The following CLMN variants were observed in gnomAD, a reference collection of about 807,000 sequenced individuals.
CLMN encodes calmin (calponin-like, transmembrane).
In CLMN, 57 loss-of-function variants were observed where a neutral mutation model predicts 92.7. The ratio of observed to expected loss-of-function variants is 0.61; its 90% CI spans 0.50 to 0.77. The LOEUF (loss-of-function observed/expected upper bound fraction) is 0.77, where lower values mean the gene tolerates loss of function less well. CLMN is among the 30% of genes least tolerant of loss of function. The pLI is 0.00. For synonymous variants in CLMN, 466 were observed against 470.6 expected, an observed-to-expected ratio of 0.99 and a Z score of 0.13; for missense variants, 1,158 against 1,237.5, an observed-to-expected ratio of 0.94 and a Z score of 0.96.
chr14:95,260,037 T>C (rs1251648981), intron 1 of CLMN, among the ~76,000 whole-genome samples: 1 of 152,200 alleles, frequency 6.6e-6, no homozygotes, highest in East Asian at 1.9e-4. Context: ...CTCCCTGCTA[T>C]TGCAGCACCC....
chr14:95,271,577 G>C (rs572820966), intron 1 of CLMN, among the ~76,000 whole-genome samples: 8 of 152,300 alleles, frequency 5.3e-5, no homozygotes, highest in African/African-American at 1.7e-4. Context: ...TCTACCAACT[G>C]GCAGCAGGTT....
chr14:95,207,241 C>A (rs1897071132), intron 8 of CLMN, among the ~76,000 whole-genome samples: 1 of 152,090 alleles, frequency 6.6e-6, no homozygotes, highest in Admixed American at 6.6e-5. Flanking sequence ...CAGTTAAAAT[C>A]TTCTCTTTTA....
At chr14:95,197,206 G>A in intron 9 of CLMN, among the ~76,000 whole-genome samples, 1 of 151,934 alleles carries the variant, frequency 6.6e-6, no homozygotes, top group Non-Finnish European at 1.5e-5. Flanking sequence ...CCAAGATCAT[G>A]CCACTGCACT....
chr14:95,268,792 CTCTTTT>C lies in CLMN; in HGVS notation c.83-38665_83-38660del, dbSNP rs1255314519. Reference sequence around the variant, plus strand: ...TATACTGGGACCTCTCTCTCTCTCTCTCTTTTTTTTTTTTTTTTTTTTTTTTTTTTA... The same window carrying C: ...TATACTGGGACCTCTCTCTCTCTCTCTTTTTTTTTTTTTTTTTTTTTTTTA... On this transcript the variant is annotated intron_variant, in intron 1 of 12. Coordinates refer to ENST00000298912, the MANE Select transcript of CLMN (RefSeq NM_024734.4). Among the ~76,000 whole-genome samples the C allele has an allele frequency of 9.0e-3, 937 of 103,812 alleles. 10 individuals carry two copies. The highest frequency in any genetic ancestry group is 0.034 in the African/African-American group (888 of 26,142). 68.1% of individuals were successfully genotyped at this position (103,812 alleles called of 152,430 possible). A position where few individuals can be genotyped will look rare whatever the true frequency, so the allele number is the denominator to read the frequency against.
intron 1 of CLMN, among the ~76,000 whole-genome samples, chr14:95,272,314 G>GAAAAAA (rs71307140): frequency 0.023 from 3,429 of 152,196 alleles, 53 homozygotes; most frequent in Middle Eastern, 0.037. Flanking sequence ...TCCAGGAAGA[G>GAAAAAA]GAGGAGGAGG....
chr14:95,215,717 A>G lies in CLMN; in HGVS notation c.341T>C (p.Ile114Thr), dbSNP rs748744133. 5.0e-6 allele frequency: 8 copies of G among 1,614,114 alleles called. No homozygotes were observed. The highest frequency in any genetic ancestry group is 6.8e-6 in the Non-Finnish European group (8 of 1,179,996). The change falls in exon 5 of 13, where the codon ATT becomes ACT. Residue 114 changes from isoleucine (I) to threonine (T), a missense_variant. By Grantham distance (89) the Ile-to-Thr change is moderately conservative (BLOSUM62 -1). Transcript: ENST00000298912. ...GCCATCTGCTATTTCTGCTGCATCA[A>G]TGCTAACCAGTTTTACCTGGAGGGA... ...LEDSNVKLVS[I>T]DAAEIADGNP...
chr14:95,202,903 G>C lies in CLMN; in HGVS notation c.2446C>G (p.Leu816Val). ...TGCTGGTGGTCCTCATGGGGGGCCA[G>C]TGGAGCGGGTTCTGAGGCTGGTGTG... is the stretch of plus-strand genomic sequence containing the variant. ...GTTPASEPAP[L>V]APHEDHQQRE... Residue 816 changes from leucine (L) to valine (V), a missense_variant, in exon 9 of 13, where the codon CTG becomes GTG. Leu to Val is a conservative substitution (Grantham distance 32). Transcript: ENST00000298912. 1 of 1,585,280 alleles carries C rather than the reference G, an allele frequency of 6.3e-7. No homozygotes were observed. Among genetic ancestry groups the C allele is most frequent in the Non-Finnish European group, 8.5e-7 (1 of 1,169,764 alleles).
At chr14:95,212,306 A>G (rs1897221560) in intron 6 of CLMN, among the ~76,000 whole-genome samples, 1 of 152,010 alleles carries the variant, frequency 6.6e-6, no homozygotes, top group South Asian at 2.1e-4. Flanking sequence ...TAAATGATTC[A>G]CCAGGATCTC....
At position 95,294,496 on chromosome 14, in the gene CLMN, C is replaced by A. The variant is rs1172331912; in HGVS notation, c.82+25215G>T. On this transcript the variant is annotated intron_variant, in intron 1 of 12. Coordinates refer to ENST00000298912, the MANE Select transcript of CLMN (RefSeq NM_024734.4). This position sits in a 1 kb window ranked among gnomAD's most constrained non-coding sequence, Gnocchi z 4.2. Reference sequence around the variant, plus strand: ...GAAGGATCCTGTCCAACAGAAAGGCCCTGGAGACAGACCTGCATCCACATT... The same window carrying A: ...GAAGGATCCTGTCCAACAGAAAGGCACTGGAGACAGACCTGCATCCACATT... 1.3e-5 allele frequency among the ~76,000 whole-genome samples: 2 copies of A among 152,134 alleles called. No individual in the cohort carries two copies. Among genetic ancestry groups the A allele is most frequent in the African/African-American group, 2.4e-5 (1 of 41,432 alleles).
chr14:95,231,823 AC>A (rs1484399708), intron 1 of CLMN, among the ~76,000 whole-genome samples: 1 of 152,162 alleles, frequency 6.6e-6, no homozygotes, highest in Non-Finnish European at 1.5e-5. Context: ...AATAGTCATA[AC>A]AGTGATTTTT....
intron 1 of CLMN, among the ~76,000 whole-genome samples, chr14:95,274,874 G>A (rs993514050): frequency 6.6e-6 from 1 of 151,750 alleles, no homozygotes; most frequent in Non-Finnish European, 1.5e-5. Flanking sequence ...AGCTACTCAG[G>A]AGACTGAAGC....
At chr14:95,269,432 T>C (rs923341935) in intron 1 of CLMN, among the ~76,000 whole-genome samples, 2 of 152,234 alleles carry the variant, frequency 1.3e-5, no homozygotes, top group African/African-American at 2.4e-5. Flanking sequence ...AATGGGAAAA[T>C]AATATGCTTC....
At chr14:95,221,601 G>A (rs966588534) in intron 4 of CLMN, 90 bp downstream of exon 4, 28 of 1,136,412 alleles carry the variant, frequency 2.5e-5, no homozygotes, top group South Asian at 5.6e-5. Context: ...CCCGTCTCAC[G>A]CTTCTCTTGC....
chr14:95,215,960 A>G (rs1470897385), intron 4 of CLMN, among the ~76,000 whole-genome samples: 1 of 152,160 alleles, frequency 6.6e-6, no homozygotes, highest in African/African-American at 2.4e-5. Flanking sequence ...TACCATATGC[A>G]GCCTCTATTC....
intron 1 of CLMN, among the ~76,000 whole-genome samples, chr14:95,260,789 A>T (rs1419593370): frequency 6.6e-6 from 1 of 152,218 alleles, no homozygotes; most frequent in Non-Finnish European, 1.5e-5. Flanking sequence ...AACCCAGTTT[A>T]TCTCCATTGT....
At chr14:95,275,262 G>A (rs998392990) in intron 1 of CLMN, among the ~76,000 whole-genome samples, 3 of 152,048 alleles carry the variant, frequency 2.0e-5, no homozygotes, top group Non-Finnish European at 2.9e-5. Flanking sequence ...CTTAGCCACC[G>A]GATAAGACAG....
rs1566890987 is a variant in CLMN at position 95,245,215 on chromosome 14, T to C, written c.83-15082A>G. Among the ~76,000 whole-genome samples the C allele has an allele frequency of 3.2e-3, 112 of 35,398 alleles. 8 individuals are homozygous for C. Among genetic ancestry groups the C allele is most frequent in the African/African-American group, 0.013 (87 of 6,636 alleles). The allele number at this position is 35,398 out of a possible 152,430, so 23.2% of individuals were successfully genotyped here. A position where few individuals can be genotyped will look rare whatever the true frequency, so the allele number is the denominator to read the frequency against. Reference sequence around the variant, plus strand: ...ATATAATATATATATATATTATATATATATATATATTATATATATATATTA... The same window carrying C: ...ATATAATATATATATATATTATATACATATATATATTATATATATATATTA... On this transcript the variant is annotated intron_variant, in intron 1 of 12. Coordinates refer to ENST00000298912, the MANE Select transcript of CLMN (RefSeq NM_024734.4).
chr14:95,258,590 G>C (rs1350731580), intron 1 of CLMN, among the ~76,000 whole-genome samples: 2 of 147,068 alleles, frequency 1.4e-5, no homozygotes, highest in African/African-American at 2.5e-5. Flanking sequence ...TATGTGGTGT[G>C]TATGTATCTG....
intron 2 of CLMN, among the ~76,000 whole-genome samples, chr14:95,225,412 G>A (rs116636027): frequency 0.059 from 8,974 of 152,252 alleles, 313 homozygotes; most frequent in African/African-American, 0.063. Flanking sequence ...TCTGACCCTC[G>A]TCAGAGGACT....
Sources: allele counts gnomAD v4.1 joint callset (sites outside exome capture counted in the v4.1 genomes callset), GRCh38; gene constraint gnomAD v4.1.1; non-coding constraint Gnocchi (gnomAD v3.1); transcripts MANE v1.5; gene names NCBI Gene and HGNC (gene_info 2026-07-23, HGNC 2026-07-21).